Variants in OCA2 observed in about 807,000 individuals in gnomAD.
OCA2 encodes the protein OCA2 melanosomal transmembrane protein.
A neutral mutation model predicts 100.2 loss-of-function variants in OCA2; 77 were observed. The observed-to-expected ratio is 0.77, with a 90% CI of 0.64 to 0.93. OCA2 has a LOEUF of 0.93. Ranked by LOEUF, OCA2 falls within the 40% of genes least tolerant of loss-of-function variation. The probability of loss-of-function intolerance (pLI) is 0.00; values close to 1 mark genes in which losing one functional copy is unlikely to be tolerated. For missense variants in OCA2, 1,062 were observed against 1,089.1 expected (o/e 0.98, Z 0.35); for synonymous variants, 432 against 439.2 (o/e 0.98, Z 0.21).
At chr15:27,997,493 T>C (rs1380005641) in intron 9 of OCA2, among the ~76,000 whole-genome samples, 4 of 151,800 alleles carry the variant, frequency 2.6e-5, no homozygotes, top group African/African-American at 9.7e-5. Context: ...GTTGTAGATA[T>C]GCGGCGTTAT....
At chr15:27,841,149 T>A (rs938280498) in intron 23 of OCA2, among the ~76,000 whole-genome samples, 1 of 152,208 alleles carries the variant, frequency 6.6e-6, no homozygotes, top group Admixed American at 6.5e-5. Context: ...AATACTGGCA[T>A]GTGAAACAAT....
chr15:27,831,740 G>A lies in OCA2; in HGVS notation c.2432+13219C>T, dbSNP rs1484659605. ...GCAGGGAGAGGCAGAGATGAGAGGT[G>A]GAGAGAGCACAGCCTGGCTCCTGTT... On this transcript the variant is annotated intron_variant, in intron 23 of 23. Coordinates refer to ENST00000354638, the MANE Select transcript of OCA2 (RefSeq NM_000275.3). 2.6e-5 allele frequency among the ~76,000 whole-genome samples: 4 copies of A among 152,192 alleles called. No individual in the cohort carries two copies. In the East Asian group the frequency reaches 7.7e-4, roughly 29 times the overall value.
At chr15:27,920,402 A>T (rs1262345860) in intron 19 of OCA2, among the ~76,000 whole-genome samples, 1 of 152,236 alleles carries the variant, frequency 6.6e-6, no homozygotes, top group East Asian at 1.9e-4. Context: ...TTATGATTTC[A>T]TATAAATGAA....
intron 1 of OCA2, among the ~76,000 whole-genome samples, chr15:28,082,536 G>C (rs2044678015): frequency 6.6e-6 from 1 of 152,228 alleles, no homozygotes; most frequent in Non-Finnish European, 1.5e-5. Flanking sequence ...AGTAGATTGT[G>C]ATGTGTGCAC....
At chr15:27,925,663 G>A (rs1439544133) in intron 19 of OCA2, among the ~76,000 whole-genome samples, 1 of 152,152 alleles carries the variant, frequency 6.6e-6, no homozygotes, top group Non-Finnish European at 1.5e-5. Context: ...ATTTATAAAT[G>A]AAGTCTCAAG....
chr15:27,773,303 T>A (rs1009977483), intron 23 of OCA2, among the ~76,000 whole-genome samples: 12 of 152,166 alleles, frequency 7.9e-5, no homozygotes, highest in African/African-American at 2.4e-4. Context: ...TGAGAATAAA[T>A]CTATATATCT....
the OCA2 span, among the ~76,000 whole-genome samples, chr15:27,727,678 C>T: frequency 6.6e-6 from 1 of 152,204 alleles, no homozygotes; most frequent in African/African-American, 2.4e-5. Context: ...TAAAAGACAA[C>T]ACCAAGAAAT....
chr15:28,051,469 T>C (rs189136289), intron 2 of OCA2, among the ~76,000 whole-genome samples: 1 of 152,236 alleles, frequency 6.6e-6, no homozygotes, highest in East Asian at 1.9e-4. Flanking sequence ...ATTTTGTTTT[T>C]TTAGCAGAGA....
chr15:27,895,073 T>G (rs963917460), intron 19 of OCA2, among the ~76,000 whole-genome samples: 2 of 152,140 alleles, frequency 1.3e-5, no homozygotes, highest in African/African-American at 4.8e-5. Flanking sequence ...AGGAATAAAT[T>G]CCTGGGTCTT....
At chr15:27,928,036 C>T (rs2039109807) in intron 18 of OCA2, among the ~76,000 whole-genome samples, 1 of 152,066 alleles carries the variant, frequency 6.6e-6, no homozygotes, top group Non-Finnish European at 1.5e-5. Flanking sequence ...AAGTGATCCA[C>T]CCACCTTGAC....
intron 19 of OCA2, among the ~76,000 whole-genome samples, chr15:27,881,551 G>A (rs2037015901): frequency 6.6e-6 from 1 of 152,110 alleles, no homozygotes. Flanking sequence ...TTCAGAACTT[G>A]CTATTGGTCT....
chr15:27,737,894 A>C, the OCA2 span, among the ~76,000 whole-genome samples: 1 of 152,218 alleles, frequency 6.6e-6, no homozygotes, highest in Non-Finnish European at 1.5e-5. Flanking sequence ...AGGTGTGGGC[A>C]GACACTTTAC....
chr15:27,987,199 A>G (rs546521328), intron 11 of OCA2, among the ~76,000 whole-genome samples: 1 of 152,302 alleles, frequency 6.6e-6, no homozygotes, highest in Admixed American at 6.5e-5. Flanking sequence ...AATGCCTATC[A>G]CCTGTTTCTT....
chr15:28,042,343 C>T (rs1042427946), intron 2 of OCA2, among the ~76,000 whole-genome samples: 18 of 151,840 alleles, frequency 1.2e-4, no homozygotes, highest in African/African-American at 4.1e-4. Context: ...AAAATGCCTT[C>T]GGGCCAGGTG....
intron 21 of OCA2, among the ~76,000 whole-genome samples, chr15:27,857,512 C>A (rs1343239310): frequency 2.6e-5 from 4 of 152,042 alleles, no homozygotes; most frequent in African/African-American, 9.7e-5. Flanking sequence ...TATAAATTTA[C>A]TTAATGCTAC....
At chr15:27,978,404 T>A (rs1298245985) in intron 14 of OCA2, among the ~76,000 whole-genome samples, 1 of 152,206 alleles carries the variant, frequency 6.6e-6, no homozygotes, top group African/African-American at 2.4e-5. Context: ...ACTCTCCAAC[T>A]ATAATTAAGG....
At chr15:28,097,248 G>A (rs1462122170) in intron 1 of OCA2, among the ~76,000 whole-genome samples, 1 of 152,208 alleles carries the variant, frequency 6.6e-6, no homozygotes, top group Admixed American at 6.5e-5. Context: ...CCGAAACTGC[G>A]CGGGTCCCGC....
chr15:27,951,624 C>A (rs192825474), intron 18 of OCA2, among the ~76,000 whole-genome samples, 160 bp downstream of exon 18: 155 of 152,288 alleles, frequency 1.0e-3, no homozygotes, highest in East Asian at 2.5e-3. Context: ...GGAAAGGCGC[C>A]CTTCTTCCCA....
rs151268989 is a variant in OCA2, at chr15:27,951,481, C to T, written c.1951+303G>A. On this transcript the variant is annotated intron_variant, in intron 18 of 23. Transcript: ENST00000354638. Reference sequence around the variant, plus strand: ...CATGTAAAGATGTGGTTATTAACTACAATAGACAGGACAGTGCCCACTCTA... The same window carrying T: ...CATGTAAAGATGTGGTTATTAACTATAATAGACAGGACAGTGCCCACTCTA... 1.9e-3 allele frequency among the ~76,000 whole-genome samples: 283 copies of T among 152,316 alleles called. 1 individual carries two copies. The highest frequency in any genetic ancestry group is 6.1e-3 in the African/African-American group (252 of 41,570).
Sources: allele counts gnomAD v4.1 joint callset (sites outside exome capture counted in the v4.1 genomes callset), GRCh38; gene constraint gnomAD v4.1.1; transcripts MANE v1.5; gene names NCBI Gene and HGNC (gene_info 2026-07-23, HGNC 2026-07-21).